Variants in GRID2 observed in about 807,000 individuals in gnomAD.
GRID2 encodes the protein glutamate ionotropic receptor delta type subunit 2.
In GRID2, 33 loss-of-function variants were observed where a neutral mutation model predicts 114.8. That is an observed-to-expected ratio of 0.29 (90% CI 0.22 to 0.38). The LOEUF is 0.38. Among genes scored for constraint, GRID2 ranks in the 10% least tolerant of loss-of-function variants. The pLI is 1.00. For missense variants in GRID2, 1,184 were observed against 1,257.7 expected, an observed-to-expected ratio of 0.94 and a Z score of 0.89; for synonymous variants, 505 against 449.9, an observed-to-expected ratio of 1.12 and a Z score of -1.55.
At chr4:93,607,567 C>A (rs1378155368) in intron 13 of GRID2, among the ~76,000 whole-genome samples, 1 of 152,090 alleles carries the variant, frequency 6.6e-6, no homozygotes, top group African/African-American at 2.4e-5. Flanking sequence ...AATGGAATTG[C>A]TGGACCAAAA....
chr4:93,139,758 ACACACATT>A (rs1735590376), intron 4 of GRID2, among the ~76,000 whole-genome samples: 1 of 151,772 alleles, frequency 6.6e-6, no homozygotes, highest in South Asian at 2.1e-4. Context: ...ACACACACAC[ACACACATT>A]CACACACAGA....
chr4:93,790,204 G>C (rs575516902), intron 1 of GRID2, among the ~76,000 whole-genome samples: 1 of 150,626 alleles, frequency 6.6e-6, no homozygotes, highest in Non-Finnish European at 1.5e-5. Context: ...CACTGCCCTA[G>C]AGAGAATTTC....
chr4:92,779,110 G>A (rs572753422), intron 2 of GRID2, among the ~76,000 whole-genome samples: 224 of 152,064 alleles, frequency 1.5e-3, no homozygotes, highest in African/African-American at 5.1e-3. Context: ...TGTTAGAGAT[G>A]CTTGAGAAGA....
chr4:93,006,208 A>G (rs1721507265), intron 2 of GRID2, among the ~76,000 whole-genome samples: 2 of 152,074 alleles, frequency 1.3e-5, no homozygotes, highest in South Asian at 4.1e-4. Flanking sequence ...CAATACAACA[A>G]ATTTAAAATT....
intron 2 of GRID2, among the ~76,000 whole-genome samples, chr4:92,597,560 T>G (rs938294582): frequency 3.9e-5 from 6 of 152,162 alleles, no homozygotes; most frequent in Admixed American, 2.0e-4. Flanking sequence ...GGAAGAGTCT[T>G]TAGCAGCGTT....
At chr4:93,171,325 G>T (rs1240084074) in intron 4 of GRID2, among the ~76,000 whole-genome samples, 2 of 151,992 alleles carry the variant, frequency 1.3e-5, no homozygotes, top group Admixed American at 1.3e-4. Flanking sequence ...TGGCTGCATG[G>T]CTCACTCCCT....
downstream of GRID2, among the ~76,000 whole-genome samples, chr4:93,776,656 A>G (rs998985937): frequency 4.6e-5 from 7 of 152,186 alleles, no homozygotes; most frequent in Non-Finnish European, 8.8e-5. Flanking sequence ...GGACCAATTC[A>G]TCTTAGTAGT....
chr4:93,367,644 G>A (rs559317942), intron 8 of GRID2, among the ~76,000 whole-genome samples: 2 of 152,222 alleles, frequency 1.3e-5, no homozygotes. Flanking sequence ...TGAACAGAGT[G>A]GAGTAGACAT....
intron 1 of GRID2, among the ~76,000 whole-genome samples, chr4:92,490,958 A>C (rs1387979375): frequency 3.3e-5 from 5 of 152,126 alleles, no homozygotes; most frequent in African/African-American, 1.2e-4. Flanking sequence ...TAAAAACAAA[A>C]ATAGAATGGA....
At chr4:93,435,384 C>T (rs1357547500) in intron 10 of GRID2, among the ~76,000 whole-genome samples, 1 of 152,244 alleles carries the variant, frequency 6.6e-6, no homozygotes, top group Admixed American at 6.5e-5. Flanking sequence ...TGAAAGACTA[C>T]ACTTTGAGCT....
intron 1 of GRID2, among the ~76,000 whole-genome samples, chr4:92,471,796 G>GT (rs1375656476): frequency 2.0e-5 from 3 of 151,742 alleles, no homozygotes; most frequent in East Asian, 1.9e-4. Context: ...GGAAAACGTG[G>GT]TTTTTTTCTG....
intron 1 of GRID2, among the ~76,000 whole-genome samples, chr4:92,413,189 C>T (rs183727348): frequency 1.3e-5 from 2 of 152,286 alleles, no homozygotes; most frequent in African/African-American, 4.8e-5. Context: ...CATCCCCTCC[C>T]ATCCTTAGTG....
chr4:93,256,829 A>G (rs1264825472), intron 8 of GRID2, among the ~76,000 whole-genome samples: 1 of 151,944 alleles, frequency 6.6e-6, no homozygotes, highest in Non-Finnish European at 1.5e-5. Context: ...ACAGTGTGCT[A>G]TAGTTTTGTG....
intron 2 of GRID2, among the ~76,000 whole-genome samples, chr4:92,631,381 C>G (rs2870640): frequency 2.0e-5 from 3 of 151,710 alleles, no homozygotes; most frequent in African/African-American, 7.3e-5. Context: ...TGAATGAAAC[C>G]CTTGAGTTAT....
intron 2 of GRID2, among the ~76,000 whole-genome samples, chr4:92,991,082 G>A (rs1234133940): frequency 6.6e-6 from 1 of 152,064 alleles, no homozygotes; most frequent in Non-Finnish European, 1.5e-5. Flanking sequence ...TCTGTGAATA[G>A]GGTATTATTG....
chr4:92,995,065 C>T (rs1755119103), intron 2 of GRID2, among the ~76,000 whole-genome samples: 1 of 152,164 alleles, frequency 6.6e-6, no homozygotes, highest in Non-Finnish European at 1.5e-5. Context: ...TTTGCCTTTG[C>T]CTTTCTCACA....
intron 2 of GRID2, among the ~76,000 whole-genome samples, chr4:92,725,934 T>C (rs948389235): frequency 2.0e-5 from 3 of 152,012 alleles, no homozygotes; most frequent in Admixed American, 6.6e-5. Flanking sequence ...AAATGAAGAA[T>C]AAATTGTAAG....
chr4:93,068,910 G>A (rs1270556991), intron 2 of GRID2, among the ~76,000 whole-genome samples: 1 of 152,006 alleles, frequency 6.6e-6, no homozygotes, highest in Non-Finnish European at 1.5e-5. Flanking sequence ...GAAGCATGAT[G>A]TTGGCTTCTA....
At chr4:92,399,507 AT>A (rs1730674829) in intron 1 of GRID2, among the ~76,000 whole-genome samples, 1 of 152,130 alleles carries the variant, frequency 6.6e-6, no homozygotes, top group African/African-American at 2.4e-5. Flanking sequence ...ATTATACTGT[AT>A]TCTTATTCGC....
Sources: allele counts gnomAD v4.1 joint callset (sites outside exome capture counted in the v4.1 genomes callset), GRCh38; gene constraint gnomAD v4.1.1; transcripts MANE v1.5; gene names NCBI Gene and HGNC (gene_info 2026-07-23, HGNC 2026-07-21).